LTBP1: variants seen among roughly 807,000 people sequenced by gnomAD.
LTBP1 encodes latent transforming growth factor beta binding protein 1.
In LTBP1, 129 loss-of-function variants were observed where a neutral mutation model predicts 207.6. The observed-to-expected ratio is 0.62, with a 90% CI of 0.54 to 0.72. The LOEUF is 0.72. Ranked by LOEUF, LTBP1 falls within the 30% of genes least tolerant of loss-of-function variation. LTBP1 has a pLI of 0.00. For synonymous variants in LTBP1, 963 were observed against 833.7 expected (o/e 1.16, Z -2.67); for missense variants, 2,281 against 2,217.2 (o/e 1.03, Z -0.58).
intron 2 of LTBP1, among the ~76,000 whole-genome samples, chr2:32,950,872 G>A (rs60934927): frequency 0.18 from 27,110 of 152,180 alleles, 3,254 homozygotes; most frequent in East Asian, 0.54. Flanking sequence ...TTTTCAGGTT[G>A]CTTGGGGAAT....
intron 31 of LTBP1, among the ~76,000 whole-genome samples, chr2:33,376,554 T>C (rs1480904708): frequency 6.6e-6 from 1 of 152,242 alleles, no homozygotes; most frequent in Non-Finnish European, 1.5e-5. Context: ...CACCATAGGA[T>C]GCGGAGCACC....
intron 2 of LTBP1, among the ~76,000 whole-genome samples, chr2:32,983,034 A>T (rs778860865): frequency 3.3e-5 from 5 of 152,206 alleles, no homozygotes; most frequent in Non-Finnish European, 7.3e-5. Flanking sequence ...AGCTTGCACC[A>T]TGTGCCTGGA....
Position 33,280,078 on chromosome 2 carries a change from A to C in LTBP1, c.3032A>C (p.Glu1011Ala), listed in dbSNP as rs575802582. The C allele has an allele frequency of 1.2e-6, 2 of 1,614,120 alleles. No homozygotes were observed. Among genetic ancestry groups the C allele is most frequent in the Non-Finnish European group, 1.7e-6 (2 of 1,179,982 alleles). The change falls in exon 19 of 34, where the codon GAG (glutamate) becomes GCG (alanine). Residue 1011 changes from glutamate (E) to alanine (A), a missense_variant. Around this residue, in one of 3 missense-constraint regions of LTBP1, gnomAD observed 1,671 missense variants for 1,634.8 expected, o/e 1.02. Transcript: ENST00000404816. ...ECLNPSTCPD[E>A]QCVNSPGSYQ... ...TTGAATCCAAGCACTTGTCCAGATGAGCAGTGTGTGAATTCTCCTGGATCT... is the reference window on the plus strand; with the variant it reads ...TTGAATCCAAGCACTTGTCCAGATGCGCAGTGTGTGAATTCTCCTGGATCT...
chr2:33,026,101 G>A (rs1202815003), intron 3 of LTBP1, among the ~76,000 whole-genome samples: 3 of 152,130 alleles, frequency 2.0e-5, no homozygotes, highest in Non-Finnish European at 2.9e-5. Flanking sequence ...AAACACTTTG[G>A]GGAAAGAGTT....
At chr2:33,282,879 A>G (rs1408701079) in intron 19 of LTBP1, among the ~76,000 whole-genome samples, 2 of 152,112 alleles carry the variant, frequency 1.3e-5, no homozygotes, top group Admixed American at 6.6e-5. Flanking sequence ...CCTGGCCAAC[A>G]TGGTGAAACC....
At chr2:32,999,559 G>A (rs1257281767) in intron 2 of LTBP1, among the ~76,000 whole-genome samples, 1 of 134,064 alleles carries the variant, frequency 7.5e-6, no homozygotes, top group Admixed American at 7.7e-5. Flanking sequence ...CCCACACCCA[G>A]GCTCCAGGAG....
chr2:33,173,534 G>A (rs987866156), intron 5 of LTBP1, among the ~76,000 whole-genome samples: 1 of 152,082 alleles, frequency 6.6e-6, no homozygotes, highest in Non-Finnish European at 1.5e-5. Flanking sequence ...ACCAAAAAGA[G>A]TCCAGGACCA....
intron 24 of LTBP1, among the ~76,000 whole-genome samples, chr2:33,327,450 A>T (rs2094441762): frequency 2.0e-5 from 3 of 152,190 alleles, no homozygotes; most frequent in Admixed American, 2.0e-4. Flanking sequence ...AGAATACTGA[A>T]GACAGAGGAT....
intron 8 of LTBP1, among the ~76,000 whole-genome samples, chr2:33,217,865 C>G (rs1295723883): frequency 6.6e-6 from 1 of 152,086 alleles, no homozygotes; most frequent in Non-Finnish European, 1.5e-5. Flanking sequence ...TATTAATTAT[C>G]CTCTTTAGTT....
chr2:33,050,775 C>T (rs930235213), intron 3 of LTBP1, among the ~76,000 whole-genome samples: 3 of 151,588 alleles, frequency 2.0e-5, no homozygotes, highest in Admixed American at 6.6e-5. Flanking sequence ...GCTCTGTTGC[C>T]CAGGCTGGAG....
At chr2:33,108,741 T>C (rs2080217652) in intron 3 of LTBP1, among the ~76,000 whole-genome samples, 1 of 152,158 alleles carries the variant, frequency 6.6e-6, no homozygotes, top group South Asian at 2.1e-4. Context: ...GGTGGCAGCA[T>C]GGCCGGAGGG....
chr2:33,020,857 G>T, intron 2 of LTBP1, 52 bp from the exon 3 acceptor site: 1 of 1,486,450 alleles, frequency 6.7e-7, no homozygotes, highest in Non-Finnish European at 9.0e-7. Flanking sequence ...GAAAAATTAG[G>T]AAGTCTACAA....
At chr2:33,090,795 T>C (rs942446020) in intron 3 of LTBP1, among the ~76,000 whole-genome samples, 1 of 152,190 alleles carries the variant, frequency 6.6e-6, no homozygotes, top group Non-Finnish European at 1.5e-5. Flanking sequence ...AAAATAGCAA[T>C]GAAATATAAC....
At chr2:33,129,461 CT>C (rs1288262966) in intron 4 of LTBP1, among the ~76,000 whole-genome samples, 3 of 152,190 alleles carry the variant, frequency 2.0e-5, no homozygotes, top group African/African-American at 7.2e-5. Context: ...AATTAAATAT[CT>C]TACACAGATT....
intron 4 of LTBP1, among the ~76,000 whole-genome samples, chr2:33,131,622 C>T (rs1488476960): frequency 6.6e-6 from 1 of 152,180 alleles, no homozygotes; most frequent in Non-Finnish European, 1.5e-5. Context: ...GAAGTAAGTG[C>T]TTCATGGAGA....
rs1415127289 is a variant in LTBP1, at chr2:33,103,606, TGTGTGTGTGTGTGTGTGTGTGA to T, written c.864-6971_864-6950del. Among the ~76,000 whole-genome samples, 1,212 of 144,374 alleles carry T rather than the reference TGTGTGTGTGTGTGTGTGTGTGA, an allele frequency of 8.4e-3. 11 individuals are homozygous for T. Among genetic ancestry groups the T allele is most frequent in the South Asian group, 0.011 (47 of 4,206 alleles). The allele number at this position is 144,374 out of a possible 152,430, so 94.7% of individuals were successfully genotyped here. On this transcript the variant is annotated intron_variant, in intron 3 of 33. Transcript: ENST00000404816. The stretch of plus-strand genomic sequence containing the variant: ...GTTTACGTGTGTGTGTGTGTGTGTG[TGTGTGTGTGTGTGTGTGTGTGA>T]GTGTTATGCTGCCATGTGGCATCTT...
chr2:33,009,866 A>C (rs1687425348), intron 2 of LTBP1, among the ~76,000 whole-genome samples: 1 of 152,210 alleles, frequency 6.6e-6, no homozygotes, highest in South Asian at 2.1e-4. Flanking sequence ...TTAGATACCC[A>C]CATGGAGGCA....
intron 3 of LTBP1, among the ~76,000 whole-genome samples, chr2:33,084,035 T>A (rs1417213317): frequency 6.6e-6 from 1 of 152,076 alleles, no homozygotes; most frequent in Admixed American, 6.6e-5. Context: ...TAAATTTGCA[T>A]TACAGGTGGA....
intron 18 of LTBP1, among the ~76,000 whole-genome samples, chr2:33,278,369 G>A (rs914579794): frequency 1.3e-5 from 2 of 152,094 alleles, no homozygotes; most frequent in South Asian, 2.1e-4. Context: ...AAAGAAGAAG[G>A]AGCCAAGAAA....
Sources: allele counts gnomAD v4.1 joint callset (sites outside exome capture counted in the v4.1 genomes callset), GRCh38; gene constraint gnomAD v4.1.1; regional missense constraint gnomAD v4.1.1; transcripts MANE v1.5; gene names NCBI Gene and HGNC (gene_info 2026-07-23, HGNC 2026-07-21).